Variants in TTBK1 observed in about 807,000 individuals in gnomAD.
The protein encoded by TTBK1 is tau tubulin kinase 1, also known as tau-tubulin kinase 1.
In TTBK1, 34 loss-of-function variants were observed where a neutral mutation model predicts 108.5. The observed-to-expected ratio is 0.31, with a 90% CI of 0.24 to 0.42. TTBK1 has a LOEUF of 0.42. TTBK1 is among the 10% of genes least tolerant of loss of function. The pLI, the probability that TTBK1 is intolerant of heterozygous loss-of-function variation, is 1.00. For missense variants in TTBK1, 1,539 were observed against 1,826.0 expected, an observed-to-expected ratio of 0.84 and a Z score of 2.86; for synonymous variants, 809 against 795.1, an observed-to-expected ratio of 1.02 and a Z score of -0.29.
chr6:43,264,113 G>T (rs1298772636), intron 13 of TTBK1, among the ~76,000 whole-genome samples: 1 of 152,208 alleles, frequency 6.6e-6, no homozygotes, highest in Non-Finnish European at 1.5e-5. Context: ...CCAGTGCGGT[G>T]GCTCAGGCCT....
At position 43,257,928 on chromosome 6, in the gene TTBK1, G is replaced by A. The variant is rs139836965; in HGVS notation, c.978G>A (p.Pro326=). 91 of 1,613,538 alleles carry A rather than the reference G, an allele frequency of 5.6e-5. No homozygotes were observed. The highest frequency in any genetic ancestry group is 5.0e-4 in the Admixed American group (30 of 59,968). Residue 326 remains proline (P), a synonymous_variant, in exon 10 of 15, where the codon CCG becomes CCA. Transcript: ENST00000259750. This position sits in a 1 kb window ranked among gnomAD's most constrained non-coding sequence, Gnocchi z 4.5. ...DALLSTSTST[P]PQQNTRQTAA... ...TCCTGTCCACGAGCACCTCTACCCC[G>A]CCCCAGCAGAACACCCGGCAGACGG...
At chr6:43,270,635 G>A (rs1436925733) in intron 13 of TTBK1, 1 of 985,298 alleles carries the variant, frequency 1.0e-6, no homozygotes, top group African/African-American at 1.7e-5. Flanking sequence ...GTCCATGGTA[G>A]GCTGCCCCTC....
At chr6:43,271,866 G>GGGGCCCC in intron 13 of TTBK1, 1 of 979,710 alleles carries the variant, frequency 1.0e-6, no homozygotes, top group Non-Finnish European at 1.2e-6. Context: ...TAATACTTGT[G>GGGGCCCC]CCCCACCCCC....
In TTBK1 at chr6:43,263,078, G is replaced by A. The variant is rs1777584713; in HGVS notation, c.1714G>A (p.Glu572Lys). 1.3e-6 allele frequency: 2 copies of A among 1,574,212 alleles called. No homozygotes were observed. The highest frequency in any genetic ancestry group is 1.7e-6 in the Non-Finnish European group (2 of 1,160,040). The change falls in exon 13 of 15, where the codon GAG (glutamate) becomes AAG (lysine). Residue 572 changes from glutamate to lysine, a missense_variant. By Grantham distance (56) the Glu-to-Lys change is moderately conservative (BLOSUM62 1). Around this residue, in one of 5 missense-constraint regions of TTBK1, gnomAD observed 1,055 missense variants for 1,086.5 expected, o/e 0.97. Transcript: ENST00000259750. This position sits in a 1 kb window ranked among gnomAD's most constrained non-coding sequence, Gnocchi z 4.7. Reference sequence around the variant, plus strand: ...ATCGGGCACCACGGATGAGGAGCCCGAGGAGCTGCGGCCACTGCCCGAGGA... The same window carrying A: ...ATCGGGCACCACGGATGAGGAGCCCAAGGAGCTGCGGCCACTGCCCGAGGA... ...STSGTTDEEP[E>K]ELRPLPEEGE... is the part of the protein sequence containing the mutation.
chr6:43,251,189 G>T (rs1447687026), intron 2 of TTBK1, among the ~76,000 whole-genome samples: 2 of 152,096 alleles, frequency 1.3e-5, no homozygotes, highest in Non-Finnish European at 2.9e-5. Context: ...CTCCAGCTCC[G>T]CCTGGTCTTC....
Position 43,269,519 on chromosome 6 carries a change from AC to A in TTBK1, c.1986+6173del. 1 of 1,158,878 alleles carries A rather than the reference AC, an allele frequency of 8.6e-7. No individual in the cohort carries two copies. The highest frequency in any genetic ancestry group is 1.2e-6 in the Non-Finnish European group (1 of 855,656). The allele number at this position is 1,158,878 out of a possible 1,614,324, so 71.8% of individuals were successfully genotyped here. Reference sequence around the variant, plus strand: ...TTTGCACCCTCCTCCACCCTGCCTGACCCCGCCCACTTGCCCGGGACGCCGG... The same window carrying A: ...TTTGCACCCTCCTCCACCCTGCCTGACCCGCCCACTTGCCCGGGACGCCGG... On this transcript the variant is annotated intron_variant, in intron 13 of 14. Coordinates refer to ENST00000259750, the MANE Select transcript of TTBK1 (RefSeq NM_032538.3). The surrounding 1 kb of genome is among the most constrained non-coding windows in gnomAD (Gnocchi z 4.8).
chr6:43,265,681 C>T lies in TTBK1; in HGVS notation c.1986+2331C>T, dbSNP rs1001428992. ...AGTATTTACTGTGTGCCATGTACCA[C>T]AGGCATCAGAGGTGACTTGCACAAT... On this transcript the variant is annotated intron_variant, in intron 13 of 14. Transcript: ENST00000259750. The surrounding 1 kb of genome is among the most constrained non-coding windows in gnomAD (Gnocchi z 4.1). 1.3e-5 allele frequency among the ~76,000 whole-genome samples: 2 copies of T among 152,222 alleles called. No individual in the cohort carries two copies. Among genetic ancestry groups the T allele is most frequent in the African/African-American group, 4.8e-5 (2 of 41,458 alleles).
At position 43,246,126 on chromosome 6, in the gene TTBK1, A is replaced by T. The variant is rs112597460; in HGVS notation, c.-54-481A>T. On this transcript the variant is annotated intron_variant, in intron 1 of 14. Coordinates refer to ENST00000259750, the MANE Select transcript of TTBK1 (RefSeq NM_032538.3). ...ACCACATCTCCCAGGGCTGATTAGC[A>T]GGTCACTTTGGTGTGGGTGTCCCAT... is the stretch of plus-strand genomic sequence containing the variant. Among the ~76,000 whole-genome samples, 808 of 152,282 alleles carry T rather than the reference A, an allele frequency of 5.3e-3. 3 individuals carry two copies. The highest frequency in any genetic ancestry group is 9.7e-3 in the South Asian group (47 of 4,832).
rs1177798895 is a variant in TTBK1, at chr6:43,267,002, T to TGTGG, written c.1986+3655_1986+3656insGGTG. ...TCAGAGAGAGCCTGGAGCATGCGTG[T>TGTGG]GTGTGTGTGTGTGTGTGTGTGTGTG... On this transcript the variant is annotated intron_variant, in intron 13 of 14. Transcript: ENST00000259750. Among the ~76,000 whole-genome samples the TGTGG allele has an allele frequency of 1.7e-4, 3 of 17,868 alleles. No individual in the cohort carries two copies. In the African/African-American group the frequency reaches 2.0e-3, roughly 12 times the overall value. 11.7% of individuals were successfully genotyped at this position (17,868 alleles called of 152,430 possible). A position where few individuals can be genotyped will look rare whatever the true frequency, so the allele number is the denominator to read the frequency against.
At position 43,262,710 on chromosome 6, in the gene TTBK1, C is replaced by T. The variant is rs1247461698; in HGVS notation, c.1425-79C>T. On this transcript the variant is annotated intron_variant, in intron 12 of 14. Coordinates refer to ENST00000259750, the MANE Select transcript of TTBK1 (RefSeq NM_032538.3). ...CGGTCAGGAGGTTTTGGGAGTCACGCCCCACCCTGCCGCTGGCGTGGGGTC... is the reference window on the plus strand; with the variant it reads ...CGGTCAGGAGGTTTTGGGAGTCACGTCCCACCCTGCCGCTGGCGTGGGGTC... 2.9e-5 allele frequency: 41 copies of T among 1,398,624 alleles called. No homozygotes were observed. In the East Asian group the frequency reaches 6.3e-4, roughly 21 times the overall value. 86.6% of individuals were successfully genotyped at this position (1,398,624 alleles called of 1,614,324 possible).
At position 43,284,091 on chromosome 6, in the gene TTBK1, G is replaced by A. The variant is rs1778281532; in HGVS notation, c.3351G>A (p.Gln1117=). 6.5e-7 allele frequency: 1 copy of A among 1,540,508 alleles called. No homozygotes were observed. The change falls in exon 14 of 15, where the codon CAG becomes CAA. Residue 1117 remains glutamine (Q), a synonymous_variant. Transcript: ENST00000259750. The stretch of plus-strand genomic sequence containing the variant: ...CCTCGTCCTCCTCCAGTGAGGAGCA[G>A]CGCCGTGCCTCTGAGACCCTCTCAG... The part of the protein sequence containing the change: ...SGASSSSSEE[Q]RRASETLSGT...
rs1032850707 is a variant in TTBK1, at chr6:43,288,191, T to G, written c.*2815T>G. Reference sequence around the variant, plus strand: ...CCCACCCCAACACCCTGGAAGCCACTGTCAATGATTAGATCGGGTCTCGGA... The same window carrying G: ...CCCACCCCAACACCCTGGAAGCCACGGTCAATGATTAGATCGGGTCTCGGA... On this transcript the variant is annotated 3_prime_UTR_variant, in exon 15 of 15. Transcript: ENST00000259750. The surrounding 1 kb of genome is among the most constrained non-coding windows in gnomAD (Gnocchi z 4.4). 11 of 152,792 alleles carry G rather than the reference T, an allele frequency of 7.2e-5. No homozygotes were observed. Among genetic ancestry groups the G allele is most frequent in the African/African-American group, 2.7e-4 (11 of 41,456 alleles). 9.5% of individuals were successfully genotyped at this position (152,792 alleles called of 1,614,324 possible).
Position 43,283,781 on chromosome 6 carries a change from T to A in TTBK1, c.3041T>A (p.Leu1014Gln). ...ETPSEMATNSLPNGPALADGP... is the reference protein window; with the variant it reads ...ETPSEMATNSQPNGPALADGP... ...CCCTCAGAGATGGCCACAAACTCAC[T>A]GCCCAATGGCCCGGCCCTTGCAGAC... The change falls in exon 14 of 15, where the codon CTG (leucine) becomes CAG (glutamine). Residue 1014 changes from leucine to glutamine, a missense_variant. By Grantham distance (113) the Leu-to-Gln change is moderately radical. Coordinates refer to ENST00000259750, the MANE Select transcript of TTBK1 (RefSeq NM_032538.3). This position sits in a 1 kb window ranked among gnomAD's most constrained non-coding sequence, Gnocchi z 8.1. 1 of 1,582,776 alleles carries A rather than the reference T, an allele frequency of 6.3e-7. No homozygotes were observed. Among genetic ancestry groups the A allele is most frequent in the Non-Finnish European group, 8.6e-7 (1 of 1,163,712 alleles).
At chr6:43,268,015 A>G (rs1211397022) in intron 13 of TTBK1, among the ~76,000 whole-genome samples, 1 of 152,238 alleles carries the variant, frequency 6.6e-6, no homozygotes, top group East Asian at 1.9e-4. Flanking sequence ...GAGATAACAG[A>G]GCACTCTTAT....
intron 13 of TTBK1, chr6:43,270,585 C>T (rs749793597): frequency 3.2e-5 from 32 of 985,414 alleles, no homozygotes; most frequent in Non-Finnish European, 3.9e-5. Context: ...TCATTGAGGA[C>T]AGAGTTCTCT....
At position 43,253,708 on chromosome 6, in the gene TTBK1, T is replaced by C; in HGVS notation, c.471T>C (p.Pro157=). 1 of 1,611,462 alleles carries C rather than the reference T, an allele frequency of 6.2e-7. No individual in the cohort carries two copies. Among genetic ancestry groups the C allele is most frequent in the Non-Finnish European group, 8.5e-7 (1 of 1,178,690 alleles). The stretch of plus-strand genomic sequence containing the variant: ...GCTTCCTGCACCGTGACATCAAGCC[T>C]GTGAGTACTGCCCCCACACGCCTCT... ...SVGFLHRDIK[P]SNFAMGRLPS... The change falls in exon 5 of 15, where the codon CCT becomes CCC. Residue 157 remains proline, a splice_region_variant and synonymous_variant. Transcript: ENST00000259750. The surrounding 1 kb of genome is among the most constrained non-coding windows in gnomAD (Gnocchi z 5.8).
chr6:43,276,697 C>G lies in TTBK1; in HGVS notation c.1987-6030C>G, dbSNP rs560768386. Among the ~76,000 whole-genome samples, 3 of 152,396 alleles carry G rather than the reference C, an allele frequency of 2.0e-5. No individual in the cohort carries two copies. The East Asian group carries it at 5.8e-4, about 29-fold the overall frequency. ...TCCGCCTGCTTTCTTTCACCCTCCC[C>G]CTTCCTTTCCCAGCTCTCAGTGTAG... On this transcript the variant is annotated intron_variant, in intron 13 of 14. Coordinates refer to ENST00000259750, the MANE Select transcript of TTBK1 (RefSeq NM_032538.3). This position sits in a 1 kb window ranked among gnomAD's most constrained non-coding sequence, Gnocchi z 5.4.
At chr6:43,244,828 A>T (rs1381939613) in intron 1 of TTBK1, among the ~76,000 whole-genome samples, 1 of 152,130 alleles carries the variant, frequency 6.6e-6, no homozygotes, top group Non-Finnish European at 1.5e-5. Context: ...TTGCTTCTTC[A>T]GTCTTGTCCT....
intron 13 of TTBK1, among the ~76,000 whole-genome samples, chr6:43,281,354 C>T (rs1166003472): frequency 1.6e-4 from 23 of 141,656 alleles, no homozygotes; most frequent in Admixed American, 7.5e-4. Flanking sequence ...CCAGCCTGGG[C>T]GACAGAGCAG....
Sources: allele counts gnomAD v4.1 joint callset (sites outside exome capture counted in the v4.1 genomes callset), GRCh38; gene constraint gnomAD v4.1.1; regional missense constraint gnomAD v4.1.1; non-coding constraint Gnocchi (gnomAD v3.1); transcripts MANE v1.5; gene names NCBI Gene and HGNC (gene_info 2026-07-23, HGNC 2026-07-21).